RIT2: variants seen among roughly 807,000 people sequenced by gnomAD.
RIT2 encodes GTP-binding protein Rit2.
A neutral mutation model predicts 23.7 loss-of-function variants in RIT2; 24 were observed. The ratio of observed to expected loss-of-function variants is 1.01; its 90% CI spans 0.73 to 1.43. The LOEUF (loss-of-function observed/expected upper bound fraction) is 1.43. Among genes scored for constraint, RIT2 ranks in the 40% most tolerant of loss-of-function variants. RIT2 has a pLI of 0.00. For missense variants in RIT2, 236 were observed against 266.9 expected, an observed-to-expected ratio of 0.88 and a Z score of 0.81; for synonymous variants, 107 against 91.1, an observed-to-expected ratio of 1.17 and a Z score of -0.99.
chr18:42,916,537 T>G (rs947526529), intron 4 of RIT2, among the ~76,000 whole-genome samples: 1 of 152,172 alleles, frequency 6.6e-6, no homozygotes, highest in African/African-American at 2.4e-5. Context: ...GAAAGCTCCC[T>G]GGGCCTTCAC....
chr18:43,056,278 G>A (rs578185443), intron 1 of RIT2, among the ~76,000 whole-genome samples: 1 of 151,926 alleles, frequency 6.6e-6, no homozygotes, highest in African/African-American at 2.4e-5. Flanking sequence ...AAAGTCCAGG[G>A]TATTAAAGAA....
intron 4 of RIT2, among the ~76,000 whole-genome samples, chr18:42,872,983 C>T (rs1168850524): frequency 6.6e-6 from 1 of 152,164 alleles, no homozygotes; most frequent in Non-Finnish European, 1.5e-5. Flanking sequence ...CCATGGCTCT[C>T]TTAAAAATTT....
At chr18:42,816,801 C>T (rs1395244058) in intron 4 of RIT2, among the ~76,000 whole-genome samples, 1 of 152,080 alleles carries the variant, frequency 6.6e-6, no homozygotes, top group Non-Finnish European at 1.5e-5. Flanking sequence ...ACAGAAGACC[C>T]TGATTTAGCT....
At chr18:43,021,927 T>C (rs1211972827) in intron 2 of RIT2, among the ~76,000 whole-genome samples, 1 of 152,082 alleles carries the variant, frequency 6.6e-6, no homozygotes, top group Non-Finnish European at 1.5e-5. Flanking sequence ...AGTAGAACGA[T>C]CATATAATCC....
intron 2 of RIT2, among the ~76,000 whole-genome samples, chr18:43,019,852 A>G (rs1004793014): frequency 6.6e-6 from 1 of 152,108 alleles, no homozygotes; most frequent in Middle Eastern, 3.2e-3. Context: ...AGAATATAAA[A>G]TCAACATACA....
chr18:42,855,751 G>GT (rs1393712119), intron 4 of RIT2, among the ~76,000 whole-genome samples: 5 of 152,080 alleles, frequency 3.3e-5, no homozygotes, highest in African/African-American at 9.7e-5. Flanking sequence ...TTTGAATCCT[G>GT]TTTTTTCTAT....
rs144478371 is a variant in RIT2, at chr18:42,747,405, A to T, written c.427-3685T>A. ...ACTGTTCAAAGAAATCATAGACGAC[A>T]CAAACAAATGAAAACACATCCCATG... On this transcript the variant is annotated intron_variant, in intron 4 of 4. Transcript: ENST00000326695. Among the ~76,000 whole-genome samples, 960 of 152,264 alleles carry T rather than the reference A, an allele frequency of 6.3e-3. 5 individuals carry two copies. Among genetic ancestry groups the T allele is most frequent in the Middle Eastern group, 0.024 (7 of 294 alleles).
Position 42,923,599 on chromosome 18 carries a change from G to A in RIT2, c.399C>T (p.Asn133=). ...TYEIPLVLVG[N]KIDLEQFRQV... The stretch of plus-strand genomic sequence containing the variant: ...GGCGGAACTGTTCCAGATCAATTTT[G>A]TTACCCACCAGCACCAGGGGAATTT... Residue 133 remains asparagine, a synonymous_variant, in exon 4 of 5, where the codon AAC becomes AAT. Transcript: ENST00000326695. 6.2e-7 allele frequency: 1 copy of A among 1,613,298 alleles called. No individual in the cohort carries two copies. Among genetic ancestry groups the A allele is most frequent in the Non-Finnish European group, 8.5e-7 (1 of 1,179,562 alleles).
intron 4 of RIT2, among the ~76,000 whole-genome samples, chr18:42,849,745 C>T (rs1907000342): frequency 6.6e-6 from 1 of 152,080 alleles, no homozygotes; most frequent in Middle Eastern, 3.2e-3. Context: ...TAAACCTAAA[C>T]AGAACAATAA....
At chr18:43,073,401 C>A in intron 1 of RIT2, among the ~76,000 whole-genome samples, 1 of 152,256 alleles carries the variant, frequency 6.6e-6, no homozygotes, top group Non-Finnish European at 1.5e-5. Context: ...AAGTTTAATG[C>A]TGCCAATATT....
chr18:42,888,220 T>C (rs1908074211), intron 4 of RIT2, among the ~76,000 whole-genome samples: 1 of 151,644 alleles, frequency 6.6e-6, no homozygotes, highest in South Asian at 2.1e-4. Flanking sequence ...TGGCGGGGGA[T>C]TTTAATTGTG....
At position 42,905,836 on chromosome 18, in the gene RIT2, T is replaced by TAA. The variant is rs1467537255; in HGVS notation, c.426+17734_426+17735dup. Among the ~76,000 whole-genome samples the TAA allele has an allele frequency of 2.0e-5, 3 of 150,182 alleles. No homozygotes were observed. The Admixed American group carries it at 2.0e-4, about 10-fold the overall frequency. On this transcript the variant is annotated intron_variant, in intron 4 of 4. Coordinates refer to ENST00000326695, the MANE Select transcript of RIT2 (RefSeq NM_002930.4). ...AAAGGATCAGAATCTAGGATGTCGA[T>TAA]AAAACTGATGAGATAAAACAGAGTC...
At chr18:42,980,529 A>C (rs1910575659) in intron 2 of RIT2, among the ~76,000 whole-genome samples, 2 of 151,880 alleles carry the variant, frequency 1.3e-5, no homozygotes, top group Admixed American at 1.3e-4. Context: ...TCTCTCTGAT[A>C]CCCCCCGGAG....
At chr18:43,106,928 A>G (rs1216074923) in intron 1 of RIT2, among the ~76,000 whole-genome samples, 1 of 152,198 alleles carries the variant, frequency 6.6e-6, no homozygotes. Context: ...GTATTTATTT[A>G]TGAGGAAAGC....
At chr18:43,080,111 C>G (rs1245190478) in intron 1 of RIT2, among the ~76,000 whole-genome samples, 1 of 152,172 alleles carries the variant, frequency 6.6e-6, no homozygotes, top group Non-Finnish European at 1.5e-5. Context: ...TTATTAGTAA[C>G]TAAGACCTCT....
intron 4 of RIT2, among the ~76,000 whole-genome samples, chr18:42,893,703 A>G (rs1379209651): frequency 1.3e-5 from 2 of 152,156 alleles, no homozygotes. Context: ...AGTTTTTTAT[A>G]TGTTCCTGTT....
chr18:42,953,588 C>T (rs1481915162), intron 3 of RIT2, among the ~76,000 whole-genome samples: 1 of 152,140 alleles, frequency 6.6e-6, no homozygotes, highest in Non-Finnish European at 1.5e-5. Context: ...ACAGGAACCC[C>T]TTATTTGGTT....
At chr18:43,087,852 G>A (rs1033733963) in intron 1 of RIT2, among the ~76,000 whole-genome samples, 2 of 152,174 alleles carry the variant, frequency 1.3e-5, no homozygotes, top group African/African-American at 4.8e-5. Context: ...AACAGCACTA[G>A]TCGGGAAACA....
intron 2 of RIT2, among the ~76,000 whole-genome samples, chr18:42,975,556 C>A (rs60775951): frequency 5.3e-5 from 8 of 151,946 alleles, no homozygotes; most frequent in African/African-American, 1.9e-4. Flanking sequence ...CAGAGAGGAC[C>A]CTGAGCAGAT....
Sources: allele counts gnomAD v4.1 joint callset (sites outside exome capture counted in the v4.1 genomes callset), GRCh38; gene constraint gnomAD v4.1.1; transcripts MANE v1.5; gene names NCBI Gene and HGNC (gene_info 2026-07-23, HGNC 2026-07-21).